Variants in RANBP9 observed in about 807,000 individuals in gnomAD.
RANBP9 encodes the protein RAN binding protein 9.
RANBP9 carries 15 observed loss-of-function variants against 84.3 expected under a neutral mutation model. That is an observed-to-expected ratio of 0.18 (90% confidence interval 0.12 to 0.27). The LOEUF (loss-of-function observed/expected upper bound fraction) is 0.27, where lower values mean the gene tolerates loss of function less well. Among genes scored for constraint, RANBP9 ranks in the 10% least tolerant of loss-of-function variants. RANBP9 has a pLI of 1.00. For missense variants in RANBP9, 809 were observed against 912.8 expected, an observed-to-expected ratio of 0.89 and a Z score of 1.46; for synonymous variants, 392 against 349.6, an observed-to-expected ratio of 1.12 and a Z score of -1.35.
At chr6:13,654,939 A>T (rs1193191882) in intron 4 of RANBP9, among the ~76,000 whole-genome samples, 1 of 152,244 alleles carries the variant, frequency 6.6e-6, no homozygotes, top group Non-Finnish European at 1.5e-5. Flanking sequence ...ATACTATTGC[A>T]GTTTAGTCTA....
chr6:13,642,971 G>A (rs1290634198), intron 6 of RANBP9, among the ~76,000 whole-genome samples: 1 of 152,056 alleles, frequency 6.6e-6, no homozygotes, highest in East Asian at 1.9e-4. Flanking sequence ...ACTTATTCCA[G>A]TATTGCTGGC....
intron 2 of RANBP9, among the ~76,000 whole-genome samples, chr6:13,690,915 C>T (rs1390877333): frequency 6.6e-6 from 1 of 152,054 alleles, no homozygotes; most frequent in Non-Finnish European, 1.5e-5. Context: ...TCTGTAATCC[C>T]AACACTTTGG....
chr6:13,700,546 C>G (rs1757943121), intron 1 of RANBP9, among the ~76,000 whole-genome samples: 1 of 152,160 alleles, frequency 6.6e-6, no homozygotes, highest in South Asian at 2.1e-4. Flanking sequence ...CTCAAATATT[C>G]TTTCTCTAAT....
intron 2 of RANBP9, among the ~76,000 whole-genome samples, chr6:13,680,445 T>TA (rs1766007810): frequency 6.6e-6 from 1 of 151,814 alleles, no homozygotes; most frequent in Admixed American, 6.6e-5. Flanking sequence ...ATGGAGCTCA[T>TA]AAAAAAACAT....
At chr6:13,660,055 AC>A (rs1194031755) in intron 2 of RANBP9, among the ~76,000 whole-genome samples, 1 of 152,246 alleles carries the variant, frequency 6.6e-6, no homozygotes, top group Non-Finnish European at 1.5e-5. Flanking sequence ...TGTAAGAGGA[AC>A]ATTTTAATAT....
chr6:13,634,759 G>A (rs1460919945), intron 10 of RANBP9, among the ~76,000 whole-genome samples: 2 of 152,116 alleles, frequency 1.3e-5, no homozygotes, highest in African/African-American at 4.8e-5. Context: ...CCGGAGGTAA[G>A]GGAGGAAAAA....
chr6:13,635,428 G>A (rs1030151397), intron 10 of RANBP9, among the ~76,000 whole-genome samples: 1 of 151,760 alleles, frequency 6.6e-6, no homozygotes, highest in African/African-American at 2.4e-5. Context: ...GTAAACACTC[G>A]ATGAAATTTT....
chr6:13,663,638 C>A (rs1765581743), intron 2 of RANBP9, among the ~76,000 whole-genome samples: 1 of 151,442 alleles, frequency 6.6e-6, no homozygotes, highest in Non-Finnish European at 1.5e-5. Context: ...TCTAGAATGG[C>A]TAAAAATAGC....
intron 2 of RANBP9, among the ~76,000 whole-genome samples, chr6:13,669,315 GA>G (rs1765721814): frequency 6.6e-6 from 1 of 152,176 alleles, no homozygotes; most frequent in Non-Finnish European, 1.5e-5. Flanking sequence ...AATTAATCTA[GA>G]GATTCAACAC....
chr6:13,669,420 T>G (rs1765724074), intron 2 of RANBP9, among the ~76,000 whole-genome samples: 1 of 152,092 alleles, frequency 6.6e-6, no homozygotes, highest in Admixed American at 6.5e-5. Context: ...AGAGCCAAAA[T>G]AATCTTGAAA....
At chr6:13,706,936 G>A (rs115176828) in intron 1 of RANBP9, among the ~76,000 whole-genome samples, 6,456 of 150,904 alleles carry the variant, frequency 0.043, 211 homozygotes, top group Admixed American at 0.068. Context: ...CATGAACCCA[G>A]GAGAGGCTGC....
rs1758293543 is a variant in RANBP9 at position 13,711,672 on chromosome 6, G to A, written c.-167C>T. ...GGAGACCGCGGCGGTTGAGGAGCTC[G>A]GAGACGCGGGAGTAGGCGGCGGGCC... On this transcript the variant is annotated 5_prime_UTR_variant, in exon 1 of 14. Transcript: ENST00000011619. The A allele has an allele frequency of 6.6e-6, 3 of 454,740 alleles. No homozygotes were observed. Among genetic ancestry groups the A allele is most frequent in the Non-Finnish European group, 1.0e-5 (3 of 300,740 alleles). 28.2% of individuals were successfully genotyped at this position (454,740 alleles called of 1,614,324 possible).
rs1200092381 is a variant in RANBP9 at position 13,644,547 on chromosome 6, T to C, written c.1110A>G (p.Gln370=). The change falls in exon 6 of 14, where the codon CAA becomes CAG. Residue 370 remains glutamine, a splice_region_variant and synonymous_variant. Transcript: ENST00000011619. ...AATTGAAATTTCTTCACTCTTACTTTTGTATCATGGTCTGCCATTCTCCTT... is the reference window on the plus strand; with the variant it reads ...AATTGAAATTTCTTCACTCTTACTTCTGTATCATGGTCTGCCATTCTCCTT... The part of the protein sequence containing the change: ...DREGEWQTMI[Q]KMVSSYLVHH... 1.2e-6 allele frequency: 2 copies of C among 1,609,638 alleles called. No individual in the cohort carries two copies. The highest frequency in any genetic ancestry group is 1.7e-5 in the Admixed American group (1 of 58,884).
chr6:13,644,443 T>A (rs1765134402), intron 6 of RANBP9, 102 bp downstream of exon 6: 1 of 1,148,638 alleles, frequency 8.7e-7, no homozygotes, highest in Non-Finnish European at 1.2e-6. Flanking sequence ...TATGTCAGTA[T>A]ATAAATTAGT....
intron 5 of RANBP9, among the ~76,000 whole-genome samples, chr6:13,648,739 T>G (rs1345525248): frequency 6.6e-6 from 1 of 152,224 alleles, no homozygotes; most frequent in Non-Finnish European, 1.5e-5. Flanking sequence ...ACAAATAATG[T>G]ATCCACAAAA....
chr6:13,632,538 C>G lies in RANBP9; in HGVS notation c.1796-17G>C. On this transcript the variant is annotated splice_polypyrimidine_tract_variant and intron_variant, in intron 11 of 13. Transcript: ENST00000011619. Reference sequence around the variant, plus strand: ...AATCAACTTCTGTAAGAAAAACAGACAAGTATTTTACTACCTTATGGAATG... The same window carrying G: ...AATCAACTTCTGTAAGAAAAACAGAGAAGTATTTTACTACCTTATGGAATG... 1.2e-6 allele frequency: 2 copies of G among 1,604,562 alleles called. No individual in the cohort carries two copies. The highest frequency in any genetic ancestry group is 1.7e-6 in the Non-Finnish European group (2 of 1,171,710).
chr6:13,672,335 A>G (rs902727178), intron 2 of RANBP9, among the ~76,000 whole-genome samples: 5 of 152,182 alleles, frequency 3.3e-5, no homozygotes, highest in African/African-American at 1.2e-4. Context: ...AGATTTCATC[A>G]TATGATTATA....
rs751534362 is a variant in RANBP9, at chr6:13,711,029, G to T, written c.477C>A (p.Asp159Glu). ...ACCGAGGCAGCGGCGTCTCTTGTTCGTCCACGGCCGGGTAGAGACGCTTCA... is the reference window on the plus strand; with the variant it reads ...ACCGAGGCAGCGGCGTCTCTTGTTCTTCCACGGCCGGGTAGAGACGCTTCA... ...RRLKRLYPAV[D>E]EQETPLPRSW... Residue 159 changes from aspartate to glutamate, a missense_variant, in exon 1 of 14, where the codon GAC becomes GAA. Transcript: ENST00000011619. The T allele has an allele frequency of 6.2e-7, 1 of 1,600,858 alleles. No individual in the cohort carries two copies. Among genetic ancestry groups the T allele is most frequent in the South Asian group, 1.1e-5 (1 of 89,144 alleles).
chr6:13,624,937 T>C (rs1427347465), intron 13 of RANBP9, among the ~76,000 whole-genome samples: 1 of 152,164 alleles, frequency 6.6e-6, no homozygotes, highest in African/African-American at 2.4e-5. Flanking sequence ...GGAGCTGTGA[T>C]ACCAGTGGCT....
Sources: gnomAD v4.1 joint callset for allele counts (sites outside exome capture counted in the v4.1 genomes callset) on GRCh38, gnomAD v4.1.1 for gene constraint, MANE v1.5 for transcripts, NCBI Gene and HGNC (gene_info 2026-07-23, HGNC 2026-07-21) for gene names.